The following RBL2 variants were observed in gnomAD, a reference collection of about 807,000 sequenced individuals.
RBL2 encodes RB transcriptional corepressor like 2, also known as retinoblastoma-like protein 2.
A neutral mutation model predicts 126.0 loss-of-function variants in RBL2; 56 were observed. That is an observed-to-expected ratio of 0.44 (90% confidence interval 0.36 to 0.56). The LOEUF (loss-of-function observed/expected upper bound fraction) is 0.56. Ranked by LOEUF, RBL2 falls within the 20% of genes least tolerant of loss-of-function variation. RBL2 has a pLI of 0.00. For missense variants in RBL2, 1,229 were observed against 1,398.2 expected, an observed-to-expected ratio of 0.88 and a Z score of 1.93; for synonymous variants, 454 against 478.5, an observed-to-expected ratio of 0.95 and a Z score of 0.67.
intron 11 of RBL2, among the ~76,000 whole-genome samples, chr16:53,463,956 G>A (rs1205799297): frequency 3.3e-5 from 5 of 152,120 alleles, no homozygotes; most frequent in Non-Finnish European, 5.9e-5. Context: ...GTGTGTGTGT[G>A]TATTTTGGTT....
chr16:53,461,648 A>T, intron 9 of RBL2, 93 bp from the exon 10 acceptor site: 1 of 822,304 alleles, frequency 1.2e-6, no homozygotes, highest in Non-Finnish European at 1.8e-6. Flanking sequence ...AGAGTGTTTT[A>T]TATTTACATG....
At position 53,490,906 on chromosome 16, in the gene RBL2, A is replaced by G. The variant is rs1961402616; in HGVS notation, c.*606A>G. ...AAGTCCTTGATTGTTCGGGTGTGCA[A>G]TGTCTGAGTGAACCTGTATAAGTGG... On this transcript the variant is annotated 3_prime_UTR_variant, in exon 22 of 22. Transcript: ENST00000262133. The G allele has an allele frequency of 6.6e-6, 1 of 152,520 alleles. No individual in the cohort carries two copies. The highest frequency in any genetic ancestry group is 1.5e-5 in the Non-Finnish European group (1 of 68,020). The allele number at this position is 152,520 out of a possible 1,614,324, so 9.4% of individuals were successfully genotyped here. A position where few individuals can be genotyped will look rare whatever the true frequency, so the allele number is the denominator to read the frequency against.
chr16:53,480,247 G>A, intron 19 of RBL2: 1 of 531,042 alleles, frequency 1.9e-6, no homozygotes, highest in South Asian at 2.5e-5. Context: ...AGAAAGGTCT[G>A]ATATGTCAAT....
chr16:53,463,238 T>G (rs1345581999), intron 11 of RBL2, among the ~76,000 whole-genome samples: 1 of 152,196 alleles, frequency 6.6e-6, no homozygotes, highest in Non-Finnish European at 1.5e-5. Context: ...AAAATAAAAA[T>G]CATCTATGAT....
In RBL2 at chr16:53,463,339, G is replaced by A. The variant is rs111785945; in HGVS notation, c.1560+684G>A. On this transcript the variant is annotated intron_variant, in intron 11 of 21. Transcript: ENST00000262133. ...CCTGCCTTTCTGTTTTTTTGGGTTTGTTGTTGAGACAGAGTCTCACTCTCT... is the reference window on the plus strand; with the variant it reads ...CCTGCCTTTCTGTTTTTTTGGGTTTATTGTTGAGACAGAGTCTCACTCTCT... Among the ~76,000 whole-genome samples the A allele has an allele frequency of 6.5e-3, 980 of 151,872 alleles. 9 individuals carry two copies. Among genetic ancestry groups the A allele is most frequent in the African/African-American group, 0.022 (911 of 41,424 alleles).
chr16:53,434,968 C>T (rs998328931), intron 1 of RBL2, among the ~76,000 whole-genome samples, 172 bp downstream of exon 1: 1 of 152,156 alleles, frequency 6.6e-6, no homozygotes, highest in Non-Finnish European at 1.5e-5. Context: ...CGAGGGCTAA[C>T]CCGCTCTCGC....
intron 17 of RBL2, among the ~76,000 whole-genome samples, chr16:53,474,713 C>T (rs146766467): frequency 6.6e-6 from 1 of 152,314 alleles, no homozygotes; most frequent in Admixed American, 6.5e-5. Context: ...CAAGTTTCCA[C>T]ATGCAGCAGT....
At chr16:53,474,174 T>G (rs1159382224) in intron 17 of RBL2, among the ~76,000 whole-genome samples, 1 of 152,148 alleles carries the variant, frequency 6.6e-6, no homozygotes, top group African/African-American at 2.4e-5. Flanking sequence ...TTAAATTTTT[T>G]GTAGACAGGG....
intron 17 of RBL2, among the ~76,000 whole-genome samples, chr16:53,471,840 T>G (rs1303559385): frequency 1.3e-5 from 2 of 152,208 alleles, no homozygotes; most frequent in East Asian, 3.8e-4. Context: ...AATAAATGGT[T>G]GTATACTCAC....
intron 17 of RBL2, among the ~76,000 whole-genome samples, chr16:53,472,254 T>C (rs1960549375): frequency 6.6e-6 from 1 of 152,172 alleles, no homozygotes; most frequent in African/African-American, 2.4e-5. Flanking sequence ...GAGTGCCCAT[T>C]TTCAGTCCTT....
At chr16:53,474,816 T>C (rs140421332) in intron 17 of RBL2, among the ~76,000 whole-genome samples, 1 of 152,244 alleles carries the variant, frequency 6.6e-6, no homozygotes, top group South Asian at 2.1e-4. Context: ...AGGGTAATAA[T>C]GGTCTCATAG....
intron 20 of RBL2, chr16:53,481,439 T>G (rs1000354136): frequency 2.4e-6 from 1 of 421,970 alleles, no homozygotes; most frequent in African/African-American, 2.1e-5. Flanking sequence ...GGGGTTGTTG[T>G]AAGGATGAAA....
chr16:53,438,584 C>T (rs1300708984), intron 1 of RBL2, among the ~76,000 whole-genome samples: 2 of 152,058 alleles, frequency 1.3e-5, no homozygotes, highest in Non-Finnish European at 2.9e-5. Flanking sequence ...TGGCTCACAC[C>T]TGTAATCCCA....
chr16:53,479,732 G>C (rs1252358337), intron 18 of RBL2, 154 bp from the exon 19 acceptor site: 2 of 579,354 alleles, frequency 3.5e-6, no homozygotes, highest in Non-Finnish European at 6.1e-6. Flanking sequence ...TCCTGGATCT[G>C]TTATAATTTG....
chr16:53,437,706 CTT>C (rs2057972123), intron 1 of RBL2, among the ~76,000 whole-genome samples: 2 of 151,942 alleles, frequency 1.3e-5, no homozygotes. Context: ...ATTTCTATCA[CTT>C]TTCTAGATTT....
intron 1 of RBL2, chr16:53,435,649 A>T: frequency 1.6e-6 from 2 of 1,288,298 alleles, no homozygotes; most frequent in Non-Finnish European, 2.0e-6. Context: ...TGTGTGTGGC[A>T]TTTAAACCTG....
At chr16:53,461,440 C>T (rs2058219678) in intron 9 of RBL2, among the ~76,000 whole-genome samples, 2 of 151,820 alleles carry the variant, frequency 1.3e-5, no homozygotes, top group South Asian at 4.2e-4. Context: ...TGCAGTGAGC[C>T]AAGACTGCAT....
intron 5 of RBL2, among the ~76,000 whole-genome samples, chr16:53,453,039 G>C (rs1567731406): frequency 6.6e-6 from 1 of 151,930 alleles, no homozygotes; most frequent in East Asian, 1.9e-4. Context: ...TTGTAAACTA[G>C]TATGAAATAC....
rs761141787 is a variant in RBL2, at chr16:53,464,238, C to A, written c.1573C>A (p.Gln525Lys). 3.8e-6 allele frequency: 6 copies of A among 1,573,492 alleles called. No individual in the cohort carries two copies. The African/African-American group carries it at 8.3e-5, about 22-fold the overall frequency. Reference sequence around the variant, plus strand: ...CTTTATTTTATAGGGTATTCTGGAACAAGATGCGTTCCACAGATCTCTCTT... The same window carrying A: ...CTTTATTTTATAGGGTATTCTGGAAAAAGATGCGTTCCACAGATCTCTCTT... ...GDMDLSGILE[Q>K]DAFHRSLLAC... Residue 525 changes from glutamine (Q) to lysine (K), a missense_variant, in exon 12 of 22, where the codon CAA becomes AAA. Transcript: ENST00000262133.
Sources: allele counts gnomAD v4.1 joint callset (sites outside exome capture counted in the v4.1 genomes callset), GRCh38; gene constraint gnomAD v4.1.1; transcripts MANE v1.5; gene names NCBI Gene and HGNC (gene_info 2026-07-23, HGNC 2026-07-21).